Variants in SLC25A26 observed in about 807,000 individuals in gnomAD.
SLC25A26 encodes mitochondrial S-adenosylmethionine carrier protein.
Under a neutral mutation model 37.8 loss-of-function variants are expected in SLC25A26, and 36 were observed. The observed-to-expected ratio is 0.95, with a 90% CI of 0.73 to 1.26. The LOEUF is 1.26. Ranked by LOEUF, SLC25A26 falls within the 50% of genes most tolerant of loss-of-function variation. The pLI is 0.00. For missense variants in SLC25A26, 390 were observed against 331.1 expected (o/e 1.18, Z -1.38); for synonymous variants, 129 against 122.5 (o/e 1.05, Z -0.35).
At chr3:66,220,246 G>A (rs918699549), upstream of SLC25A26, among the ~76,000 whole-genome samples, 1 of 152,110 alleles carries the variant, frequency 6.6e-6, no homozygotes, top group African/African-American at 2.4e-5. Context: ...TCATAGGGTT[G>A]GTGAAAGGAT....
At chr3:66,216,762 A>G (rs2071367699), upstream of SLC25A26, among the ~76,000 whole-genome samples, 2 of 90,562 alleles carry the variant, frequency 2.2e-5, no homozygotes, top group African/African-American at 6.6e-5. Context: ...TGAGAAAGAC[A>G]GGATTATTAT....
In SLC25A26 at chr3:66,312,861, C is replaced by T. The variant is rs1035938949; in HGVS notation, c.454-33503C>T. Among the ~76,000 whole-genome samples, 17 of 152,232 alleles carry T rather than the reference C, an allele frequency of 1.1e-4. No individual in the cohort carries two copies. In the East Asian group the frequency reaches 1.9e-3, roughly 17 times the overall value. On this transcript the variant is annotated intron_variant, in intron 5 of 9. Transcript: ENST00000354883. Reference sequence around the variant, plus strand: ...TCTAACCAGTCCCATTGAGATGAACCGGGTACCTCAGTTGGAAATGCAGAA... The same window carrying T: ...TCTAACCAGTCCCATTGAGATGAACTGGGTACCTCAGTTGGAAATGCAGAA...
intron 2 of SLC25A26, among the ~76,000 whole-genome samples, chr3:66,238,420 C>T (rs922798509): frequency 5.3e-5 from 8 of 151,868 alleles, no homozygotes; most frequent in South Asian, 2.1e-4. Flanking sequence ...TGCTGTGTCA[C>T]CCCCCAGGCT....
At chr3:66,325,795 C>T (rs1007684680) in intron 5 of SLC25A26, among the ~76,000 whole-genome samples, 1 of 152,126 alleles carries the variant, frequency 6.6e-6, no homozygotes, top group African/African-American at 2.4e-5. Context: ...TTTCCTTCAT[C>T]CTAAATGCAA....
intron 5 of SLC25A26, among the ~76,000 whole-genome samples, chr3:66,338,403 A>G (rs1489920891): frequency 6.6e-6 from 1 of 152,034 alleles, no homozygotes; most frequent in African/African-American, 2.4e-5. Flanking sequence ...CCACTAGCAA[A>G]GTATGAAAGT....
intron 5 of SLC25A26, among the ~76,000 whole-genome samples, chr3:66,320,647 T>A (rs2075669463): frequency 6.6e-6 from 1 of 152,192 alleles, no homozygotes; most frequent in Admixed American, 6.5e-5. Context: ...TTTTAGCTGT[T>A]TGAGGAAGCC....
At chr3:66,334,838 A>G (rs1013622523) in intron 5 of SLC25A26, among the ~76,000 whole-genome samples, 3 of 152,234 alleles carry the variant, frequency 2.0e-5, no homozygotes, top group Admixed American at 2.0e-4. Flanking sequence ...TGCCACCGAG[A>G]TTTGAGGGTT....
chr3:66,244,838 G>A (rs2072753328), intron 3 of SLC25A26, among the ~76,000 whole-genome samples: 1 of 151,882 alleles, frequency 6.6e-6, no homozygotes, highest in South Asian at 2.1e-4. Flanking sequence ...TTAGCCGGGT[G>A]TGGTGGTGGG....
intron 1 of SLC25A26, among the ~76,000 whole-genome samples, chr3:66,142,839 C>A (rs2070055938): frequency 6.6e-6 from 1 of 152,170 alleles, no homozygotes; most frequent in Non-Finnish European, 1.5e-5. Context: ...TCTTAGCTTG[C>A]TGTAACCCCA....
At chr3:66,322,403 C>T (rs1002928464) in intron 5 of SLC25A26, among the ~76,000 whole-genome samples, 12 of 152,142 alleles carry the variant, frequency 7.9e-5, no homozygotes, top group East Asian at 3.9e-4. Context: ...AATAAAAATT[C>T]GATCAGTGGT....
rs542778380 is a variant in SLC25A26, at chr3:66,377,784, G to A, written c.802G>A (p.Glu268Lys). The change falls in exon 10 of 10, where the codon GAA becomes AAA. Residue 268 changes from glutamate to lysine, a missense_variant. Coordinates refer to ENST00000354883, the MANE Select transcript of SLC25A26 (RefSeq NM_001379210.1). ...TGACCGAACGCACAGCTTGCTGTTG[G>A]AAGTTGGCAGAAAGAGTCCTTGAAG... ...AYDRTHSLLLEVGRKSP is the reference protein window; with the variant it reads ...AYDRTHSLLLKVGRKSP 1.2e-4 allele frequency: 187 copies of A among 1,613,490 alleles called. No homozygotes were observed. The South Asian group carries it at 1.9e-3, about 16-fold the overall frequency.
At chr3:66,170,043 G>A (rs1057466878) in intron 1 of SLC25A26, among the ~76,000 whole-genome samples, 1 of 152,096 alleles carries the variant, frequency 6.6e-6, no homozygotes, top group African/African-American at 2.4e-5. Flanking sequence ...TCACACACTT[G>A]GGCAACCAGT....
At chr3:66,347,729 G>A (rs1485424617) in intron 6 of SLC25A26, among the ~76,000 whole-genome samples, 1 of 152,100 alleles carries the variant, frequency 6.6e-6, no homozygotes, top group Non-Finnish European at 1.5e-5. Context: ...CAACCCAAAT[G>A]CCCATCAATG....
chr3:66,367,849 C>A (rs531794497), intron 7 of SLC25A26, among the ~76,000 whole-genome samples: 4 of 152,208 alleles, frequency 2.6e-5, no homozygotes, highest in African/African-American at 9.6e-5. Flanking sequence ...TTAAAAGACA[C>A]AAAGCTTAGC....
intron 9 of SLC25A26, among the ~76,000 whole-genome samples, chr3:66,374,906 A>G (rs149308673): frequency 3.3e-5 from 5 of 152,274 alleles, no homozygotes; most frequent in Admixed American, 1.3e-4. Context: ...AATTAAAAAT[A>G]AAAGCTGGAG....
intron 1 of SLC25A26, among the ~76,000 whole-genome samples, chr3:66,197,362 T>C (rs2071058897): frequency 1.3e-5 from 2 of 151,986 alleles, no homozygotes; most frequent in Admixed American, 1.3e-4. Flanking sequence ...GGTTGGGTCA[T>C]GGTGAAATTC....
chr3:66,252,921 A>C (rs2073140497), intron 3 of SLC25A26, among the ~76,000 whole-genome samples: 2 of 151,682 alleles, frequency 1.3e-5, no homozygotes, highest in South Asian at 4.2e-4. Flanking sequence ...TGGCAGAAGT[A>C]GCGGTAAGTA....
chr3:66,231,061 G>A (rs2072002985), intron 1 of SLC25A26, among the ~76,000 whole-genome samples: 1 of 152,178 alleles, frequency 6.6e-6, no homozygotes, highest in African/African-American at 2.4e-5. Flanking sequence ...TGTAGTCTCA[G>A]CTACTCCGGA....
At chr3:66,352,596 T>C (rs912263039) in intron 6 of SLC25A26, among the ~76,000 whole-genome samples, 2 of 152,070 alleles carry the variant, frequency 1.3e-5, no homozygotes, top group South Asian at 2.1e-4. Flanking sequence ...ACAAATAATA[T>C]CTGTATATTT....
Sources: gnomAD v4.1 joint callset for allele counts (sites outside exome capture counted in the v4.1 genomes callset) on GRCh38, gnomAD v4.1.1 for gene constraint, MANE v1.5 for transcripts, NCBI Gene and HGNC (gene_info 2026-07-23, HGNC 2026-07-21) for gene names.